Variants in ENTPD5 observed in about 807,000 individuals in gnomAD.
The protein encoded by ENTPD5 is ectonucleoside triphosphate diphosphohydrolase 5 (inactive).
ENTPD5 carries 49 observed loss-of-function variants against 60.2 expected under a neutral mutation model. The observed-to-expected ratio is 0.81, with a 90% CI of 0.65 to 1.03. The LOEUF is 1.03. Ranked by LOEUF, ENTPD5 falls within the 50% of genes least tolerant of loss-of-function variation. ENTPD5 has a pLI of 0.00. For missense variants in ENTPD5, 480 were observed against 507.6 expected (o/e 0.95, Z 0.52); for synonymous variants, 187 against 185.4 (o/e 1.01, Z -0.07).
At chr14:73,971,153 A>C (rs899491996) in intron 14 of ENTPD5, among the ~76,000 whole-genome samples, 2 of 141,210 alleles carry the variant, frequency 1.4e-5, no homozygotes, top group Admixed American at 1.5e-4. Context: ...AAAGCCCTAA[A>C]GCCTCTTTGT....
chr14:73,972,769 G>T, intron 13 of ENTPD5, 115 bp downstream of exon 13: 2 of 1,242,568 alleles, frequency 1.6e-6, no homozygotes, highest in Non-Finnish European at 2.2e-6. Context: ...CGAGTGACTA[G>T]AAAAGAGGTG....
At chr14:74,017,090 G>A (rs576546392) in intron 1 of ENTPD5, among the ~76,000 whole-genome samples, 1 of 152,280 alleles carries the variant, frequency 6.6e-6, no homozygotes, top group African/African-American at 2.4e-5. Flanking sequence ...AGGCCGAGGC[G>A]GGCGGATCAC....
At chr14:73,992,729 G>A (rs1444708406) in intron 3 of ENTPD5, among the ~76,000 whole-genome samples, 1 of 151,666 alleles carries the variant, frequency 6.6e-6, no homozygotes, top group East Asian at 1.9e-4. Context: ...GCAGCTGGGT[G>A]TGGTGGCGCA....
chr14:74,011,684 G>C (rs1404629173), intron 2 of ENTPD5, among the ~76,000 whole-genome samples: 2 of 152,146 alleles, frequency 1.3e-5, no homozygotes, highest in Non-Finnish European at 2.9e-5. Flanking sequence ...TGTAGTCCCA[G>C]CTACTTGGGA....
intron 5 of ENTPD5, 190 bp downstream of exon 5, chr14:73,986,624 T>G: frequency 1.7e-6 from 1 of 575,856 alleles, no homozygotes; most frequent in Non-Finnish European, 3.1e-6. Flanking sequence ...TTTTCTAGCC[T>G]TCTTCCACCC....
At chr14:73,992,916 T>C (rs2058196007) in intron 3 of ENTPD5, among the ~76,000 whole-genome samples, 1 of 152,062 alleles carries the variant, frequency 6.6e-6, no homozygotes, top group Non-Finnish European at 1.5e-5. Flanking sequence ...AGTACGAGAA[T>C]CGCTTGAACC....
intron 3 of ENTPD5, among the ~76,000 whole-genome samples, chr14:74,000,415 G>A (rs1012365327): frequency 2.0e-5 from 3 of 151,120 alleles, no homozygotes; most frequent in South Asian, 2.1e-4. Context: ...AGTTGAGATC[G>A]CACCACTGTA....
chr14:73,962,092 C>T (rs937360201), downstream of ENTPD5, among the ~76,000 whole-genome samples: 2 of 151,982 alleles, frequency 1.3e-5, no homozygotes, highest in African/African-American at 4.8e-5. Flanking sequence ...GGATTACAGG[C>T]GCCCACCACC....
intron 5 of ENTPD5, chr14:73,986,197 T>A (rs1170622978): frequency 6.6e-6 from 1 of 152,046 alleles, no homozygotes; most frequent in Non-Finnish European, 1.5e-5. Context: ...CAATGAACAA[T>A]AAATACCTTT....
intron 3 of ENTPD5, among the ~76,000 whole-genome samples, chr14:74,000,886 G>C (rs550429265): frequency 2.1e-4 from 32 of 152,204 alleles, no homozygotes; most frequent in African/African-American, 7.2e-4. Flanking sequence ...AGAGAGATTA[G>C]AAAAAGATGA....
chr14:73,959,056 T>C (rs935348950), downstream of ENTPD5: 1 of 1,614,200 alleles, frequency 6.2e-7, no homozygotes, highest in Non-Finnish European at 8.5e-7. Flanking sequence ...TCTGCTGTTG[T>C]GGCTACTCTG....
At chr14:73,995,477 G>A (rs2058309276) in intron 3 of ENTPD5, among the ~76,000 whole-genome samples, 1 of 151,872 alleles carries the variant, frequency 6.6e-6, no homozygotes, top group African/African-American at 2.4e-5. Context: ...TCAGGCACTA[G>A]ATCTCACCCA....
At chr14:73,958,555 C>G, downstream of ENTPD5, 1 of 1,307,826 alleles carries the variant, frequency 7.6e-7, no homozygotes, top group Non-Finnish European at 9.8e-7. Context: ...TGTTCTTTCC[C>G]TCTGAGGAGT....
chr14:73,960,238 A>G (rs939887871), downstream of ENTPD5: 1 of 987,058 alleles, frequency 1.0e-6, no homozygotes, highest in Non-Finnish European at 1.2e-6. Context: ...TGTGGGTTCA[A>G]AATGTAAATA....
downstream of ENTPD5, chr14:73,963,102 T>A: frequency 1.0e-6 from 1 of 998,860 alleles, no homozygotes; most frequent in South Asian, 1.3e-5. Flanking sequence ...TAAACTTACT[T>A]TACATTAAAA....
chr14:73,962,879 G>T, downstream of ENTPD5: 2 of 1,094,882 alleles, frequency 1.8e-6, no homozygotes, highest in East Asian at 2.4e-5. Context: ...AAGGACACTT[G>T]GGAAGAATAC....
chr14:73,960,131 C>A (rs1224090052), downstream of ENTPD5: 2 of 991,836 alleles, frequency 2.0e-6, no homozygotes, highest in Non-Finnish European at 2.4e-6. Flanking sequence ...TAGGTTGCAG[C>A]TACCTGAACC....
At position 73,977,279 on chromosome 14, in the gene ENTPD5, C is replaced by T; in HGVS notation, c.517+20G>A. On this transcript the variant is annotated intron_variant, in intron 7 of 15. Coordinates refer to ENST00000334696, the MANE Select transcript of ENTPD5 (RefSeq NM_001249.5). ...ATCCTGCCCCTCTCCCCCTGGAACG[C>T]ATATCAACACCTCTCCCACCTTCGT... The T allele has an allele frequency of 6.3e-7, 1 of 1,591,260 alleles. No individual in the cohort carries two copies. Among genetic ancestry groups the T allele is most frequent in the Non-Finnish European group, 8.6e-7 (1 of 1,161,924 alleles).
chr14:73,995,585 A>AAATAATAAG (rs2058313766), intron 3 of ENTPD5, among the ~76,000 whole-genome samples: 1 of 144,212 alleles, frequency 6.9e-6, no homozygotes, highest in Non-Finnish European at 1.5e-5. Flanking sequence ...ACTCTATCTC[A>AAATAATAAG]AATAATAATA....
Sources: allele counts gnomAD v4.1 joint callset (sites outside exome capture counted in the v4.1 genomes callset), GRCh38; gene constraint gnomAD v4.1.1; transcripts MANE v1.5; gene names NCBI Gene and HGNC (gene_info 2026-07-23, HGNC 2026-07-21).